KIAA1217: variants seen among roughly 807,000 people sequenced by gnomAD.
KIAA1217 encodes the protein sickle tail protein homolog.
KIAA1217 carries 88 observed loss-of-function variants against 163.9 expected under a neutral mutation model. The observed-to-expected ratio is 0.54, with a 90% confidence interval of 0.45 to 0.64. The LOEUF is 0.64. Ranked by LOEUF, KIAA1217 falls within the 30% of genes least tolerant of loss-of-function variation. KIAA1217 has a pLI of 0.00. For missense variants in KIAA1217, 2,372 were observed against 2,475.0 expected, an observed-to-expected ratio of 0.96 and a Z score of 0.88; for synonymous variants, 903 against 923.1, an observed-to-expected ratio of 0.98 and a Z score of 0.39.
intron 2 of KIAA1217, among the ~76,000 whole-genome samples, chr10:24,035,876 A>C (rs1047909165): frequency 4.6e-5 from 7 of 152,228 alleles, no homozygotes; most frequent in African/African-American, 1.7e-4. Flanking sequence ...GGCAGCTCAA[A>C]GCTAGGCATT....
chr10:24,356,465 C>G (rs1474278199), intron 2 of KIAA1217, among the ~76,000 whole-genome samples: 1 of 152,166 alleles, frequency 6.6e-6, no homozygotes, highest in Non-Finnish European at 1.5e-5. Context: ...TTGATAATAA[C>G]CTTGTGGGGG....
In KIAA1217 at chr10:24,313,995, G is replaced by A. The variant is rs936144196; in HGVS notation, c.355-66874G>A. On this transcript the variant is annotated intron_variant, in intron 2 of 20. Coordinates refer to ENST00000376454, the MANE Select transcript of KIAA1217 (RefSeq NM_019590.5). ...GCTGGGATTACCAGTGCCCACCACC[G>A]CGCCCAGCTAATTTTTGTATTTTTA... Among the ~76,000 whole-genome samples, 15 of 151,690 alleles carry A rather than the reference G, an allele frequency of 9.9e-5. No homozygotes were observed. In the South Asian group the frequency reaches 1.0e-3, roughly 11 times the overall value.
At chr10:24,169,788 G>A (rs2131910013) in intron 2 of KIAA1217, among the ~76,000 whole-genome samples, 1 of 152,108 alleles carries the variant, frequency 6.6e-6, no homozygotes. Context: ...TCATCATCTG[G>A]TTTCCATGGC....
At chr10:24,239,397 G>A (rs1421337922) in intron 2 of KIAA1217, 2 of 633,408 alleles carry the variant, frequency 3.2e-6, no homozygotes, top group Admixed American at 6.3e-5. Context: ...GAAACATTTC[G>A]CTCTGTTTCT....
chr10:24,327,790 T>C (rs996994142), intron 2 of KIAA1217, among the ~76,000 whole-genome samples: 1 of 152,166 alleles, frequency 6.6e-6, no homozygotes, highest in Non-Finnish European at 1.5e-5. Flanking sequence ...ATTTCCATTT[T>C]ACTGACAAGA....
At chr10:23,697,882 A>G (rs1440768916) in intron 1 of KIAA1217, among the ~76,000 whole-genome samples, 1 of 152,072 alleles carries the variant, frequency 6.6e-6, no homozygotes, top group African/African-American at 2.4e-5. Flanking sequence ...GTCTCAAAAA[A>G]AAAAAAAAGT....
chr10:23,929,458 A>T (rs559590631), intron 1 of KIAA1217, among the ~76,000 whole-genome samples: 31 of 152,166 alleles, frequency 2.0e-4, no homozygotes, highest in African/African-American at 7.0e-4. Flanking sequence ...ATACTTGCTC[A>T]CTTCCCTCCT....
chr10:24,543,041 C>G lies in KIAA1217; in HGVS notation c.3771C>G (p.Asn1257Lys). Residue 1257 changes from asparagine (N) to lysine (K), a missense_variant, in exon 19 of 21, where the codon AAC becomes AAG. Around this residue, in one of 3 missense-constraint regions of KIAA1217, gnomAD observed 251 missense variants for 327.3 expected, o/e 0.77. Coordinates refer to ENST00000376454, the MANE Select transcript of KIAA1217 (RefSeq NM_019590.5). The part of the protein sequence containing the change: ...SNMSLLRDSR[N>K]YSQETVPKAS... ...TGAGTTTACTCAGAGACAGTAGAAA[C>G]TATTCCCAGGAAACTGTGCCTAAGG... 1 of 1,613,650 alleles carries G rather than the reference C, an allele frequency of 6.2e-7. No individual in the cohort carries two copies. The highest frequency in any genetic ancestry group is 8.5e-7 in the Non-Finnish European group (1 of 1,179,906).
intron 7 of KIAA1217, 142 bp downstream of exon 7, chr10:24,494,746 A>AT: frequency 1.2e-5 from 8 of 679,102 alleles, no homozygotes; most frequent in South Asian, 6.3e-5. Flanking sequence ...CATGGGCGTT[A>AT]TTTTTTTGTT....
intron 2 of KIAA1217, among the ~76,000 whole-genome samples, chr10:24,103,554 A>G (rs1021627905): frequency 6.6e-6 from 1 of 152,220 alleles, no homozygotes; most frequent in South Asian, 2.1e-4. Flanking sequence ...ACCCAACAAT[A>G]ATAAGACAAC....
At chr10:24,495,438 G>A (rs554508561) in intron 8 of KIAA1217, among the ~76,000 whole-genome samples, 50 of 152,282 alleles carry the variant, frequency 3.3e-4, no homozygotes, top group African/African-American at 1.2e-3. Flanking sequence ...ATGGCCACAC[G>A]GTGGTCATCT....
intron 14 of KIAA1217, among the ~76,000 whole-genome samples, chr10:24,531,504 A>T (rs763748881): frequency 6.6e-6 from 1 of 152,188 alleles, no homozygotes; most frequent in Non-Finnish European, 1.5e-5. Flanking sequence ...ATTTAATAAT[A>T]GTAGGTAATA....
intron 2 of KIAA1217, among the ~76,000 whole-genome samples, chr10:24,242,931 G>A (rs912258927): frequency 7.9e-5 from 12 of 152,076 alleles, no homozygotes; most frequent in African/African-American, 2.9e-4. Context: ...TTTTTAATGG[G>A]GTTGTTTTTT....
intron 1 of KIAA1217, among the ~76,000 whole-genome samples, chr10:24,002,429 G>T (rs370592467): frequency 4.6e-5 from 7 of 152,082 alleles, no homozygotes; most frequent in East Asian, 1.9e-4. Flanking sequence ...ACATTCCAGA[G>T]AACTTGCCTC....
At chr10:24,045,192 T>C (rs1262515321) in intron 2 of KIAA1217, among the ~76,000 whole-genome samples, 1 of 152,148 alleles carries the variant, frequency 6.6e-6, no homozygotes, top group Non-Finnish European at 1.5e-5. Flanking sequence ...TCTAGAAGTG[T>C]TGATGAGAAG....
rs141380858 is a variant in KIAA1217, at chr10:24,513,196, C to T, written c.2002-63C>T. 4,522 of 1,523,808 alleles carry T rather than the reference C, an allele frequency of 3.0e-3. 129 individuals carry two copies. The African/African-American group carries it at 0.055, about 19-fold the overall frequency. 94.4% of individuals were successfully genotyped at this position (1,523,808 alleles called of 1,614,324 possible). ...CCAAAGTGCTCCGAAGACTTCAAGG[C>T]ATTCACTCGCCTCCATTTCAGGCAG... On this transcript the variant is annotated intron_variant, in intron 9 of 20. Transcript: ENST00000376454.
chr10:24,055,966 A>G (rs1348296946), intron 2 of KIAA1217, among the ~76,000 whole-genome samples: 1 of 152,062 alleles, frequency 6.6e-6, no homozygotes, highest in Non-Finnish European at 1.5e-5. Flanking sequence ...TTAAAAAAAA[A>G]AAAATACCCC....
intron 1 of KIAA1217, among the ~76,000 whole-genome samples, chr10:23,802,083 T>C (rs761306938): frequency 6.6e-6 from 1 of 152,156 alleles, no homozygotes; most frequent in African/African-American, 2.4e-5. Context: ...AGACTGCAGA[T>C]GGGAGAGTTG....
At chr10:23,722,175 G>A (rs866897675) in intron 1 of KIAA1217, among the ~76,000 whole-genome samples, 4 of 152,276 alleles carry the variant, frequency 2.6e-5, no homozygotes, top group Non-Finnish European at 4.4e-5. Flanking sequence ...GTGGTTCCCT[G>A]AGGCTGGGGG....
Sources: allele counts gnomAD v4.1 joint callset (sites outside exome capture counted in the v4.1 genomes callset), GRCh38; gene constraint gnomAD v4.1.1; regional missense constraint gnomAD v4.1.1; transcripts MANE v1.5; gene names NCBI Gene and HGNC (gene_info 2026-07-23, HGNC 2026-07-21).